The following PLAA variants were observed in gnomAD, a reference collection of about 807,000 sequenced individuals.
PLAA encodes the protein phospholipase A2 activating protein.
A neutral mutation model predicts 84.1 loss-of-function variants in PLAA; 48 were observed. That is an observed-to-expected ratio of 0.57 (90% CI 0.45 to 0.73). The LOEUF (loss-of-function observed/expected upper bound fraction) is 0.73, where lower values mean the gene tolerates loss of function less well. Ranked by LOEUF, PLAA falls within the 30% of genes least tolerant of loss-of-function variation. The pLI is 0.00. For missense variants in PLAA, 903 were observed against 954.7 expected, an observed-to-expected ratio of 0.95 and a Z score of 0.71; for synonymous variants, 392 against 336.6, an observed-to-expected ratio of 1.16 and a Z score of -1.80.
intron 9 of PLAA, among the ~76,000 whole-genome samples, chr9:26,918,257 G>A (rs12000190): frequency 0.068 from 10,250 of 149,868 alleles, 493 homozygotes; most frequent in African/African-American, 0.13. Flanking sequence ...GATTACAGGC[G>A]CACATCCATC....
In PLAA at chr9:26,907,891, C is replaced by T; in HGVS notation, c.1765G>A (p.Glu589Lys). The change falls in exon 13 of 14, where the codon GAA (glutamate) becomes AAA (lysine). Residue 589 changes from glutamate (E) to lysine (K), a missense_variant. Physicochemically the swap from Glu to Lys is moderately conservative, Grantham distance 56 (BLOSUM62 1). Transcript: ENST00000397292. ...TGAAGTTGCTGGACTGTGGGTTTTTCTGAAGAACTATTACATATTAGAGAC... is the reference window on the plus strand; with the variant it reads ...TGAAGTTGCTGGACTGTGGGTTTTTTTGAAGAACTATTACATATTAGAGAC... The part of the protein sequence containing the change: ...ILSLICNSSS[E>K]KPTVQQLQIL... 1 of 1,611,758 alleles carries T rather than the reference C, an allele frequency of 6.2e-7. No individual in the cohort carries two copies. The highest frequency in any genetic ancestry group is 8.5e-7 in the Non-Finnish European group (1 of 1,179,392).
intron 2 of PLAA, among the ~76,000 whole-genome samples, chr9:26,930,365 A>G (rs7851423): frequency 0.13 from 19,196 of 152,110 alleles, 1,329 homozygotes; most frequent in South Asian, 0.23. Flanking sequence ...TGGCCTCCCA[A>G]GTGCTGGGAT....
intron 1 of PLAA, among the ~76,000 whole-genome samples, chr9:26,938,235 C>T (rs1825420278): frequency 6.6e-6 from 1 of 152,124 alleles, no homozygotes; most frequent in Admixed American, 6.5e-5. Context: ...AAACTGAGTG[C>T]AGTAGCACAC....
intron 2 of PLAA, among the ~76,000 whole-genome samples, chr9:26,928,637 G>A (rs1242511200): frequency 6.6e-6 from 1 of 152,222 alleles, no homozygotes; most frequent in East Asian, 1.9e-4. Flanking sequence ...CCACGTAACT[G>A]CAGAAATATT....
chr9:26,946,925 G>A lies in PLAA; in HGVS notation c.121C>T (p.Arg41Cys), dbSNP rs1293167642. 2 of 1,578,572 alleles carry A rather than the reference G, an allele frequency of 1.3e-6. No homozygotes were observed. The highest frequency in any genetic ancestry group is 1.7e-6 in the Non-Finnish European group (2 of 1,161,916). Residue 41 changes from arginine (R) to cysteine (C), a missense_variant, in exon 1 of 14, where the codon CGC becomes TGC. By Grantham distance (180) the Arg-to-Cys change is radical. Coordinates refer to ENST00000397292, the MANE Select transcript of PLAA (RefSeq NM_001031689.3). ...PGAFVSVSRD[R>C]TTRLWAPDSP... ...TCTGGGGCCCAGAGGCGGGTGGTGC[G>A]GTCTCGGGACACGGACACAAAGGCT... is the stretch of plus-strand genomic sequence containing the variant.
In PLAA at chr9:26,923,035, GT is replaced by G. The variant is rs1318660611; in HGVS notation, c.1039+142del. On this transcript the variant is annotated intron_variant, in intron 7 of 13. Coordinates refer to ENST00000397292, the MANE Select transcript of PLAA (RefSeq NM_001031689.3). ...AGAGGCAAGAACATGGTTTCTCATAGTGATTATATGTAATAGTAAAAATCCT... is the reference window on the plus strand; with the variant it reads ...AGAGGCAAGAACATGGTTTCTCATAGGATTATATGTAATAGTAAAAATCCT... 4 of 565,272 alleles carry G rather than the reference GT, an allele frequency of 7.1e-6. No homozygotes were observed. In the East Asian group the frequency reaches 1.1e-4, roughly 16 times the overall value. The allele number at this position is 565,272 out of a possible 1,614,324, so 35.0% of individuals were successfully genotyped here.
At chr9:26,916,324 A>G in intron 10 of PLAA, 1 of 987,018 alleles carries the variant, frequency 1.0e-6, no homozygotes, top group Non-Finnish European at 1.2e-6. Flanking sequence ...AGATCCAACA[A>G]CAGCATTATA....
chr9:26,906,423 CT>C (rs35324777), intron 13 of PLAA, among the ~76,000 whole-genome samples: 10,837 of 95,122 alleles, frequency 0.11, 262 homozygotes, highest in African/African-American at 0.13. Flanking sequence ...AGGGAAAGTT[CT>C]TTTTTTTTTT....
At chr9:26,926,063 C>A in intron 5 of PLAA, 103 bp from the exon 6 acceptor site, 2 of 877,444 alleles carry the variant, frequency 2.3e-6, no homozygotes, top group South Asian at 1.8e-5. Flanking sequence ...CAGAGACTTT[C>A]AAAATTACAG....
chr9:26,913,865 T>C lies in PLAA; in HGVS notation c.1555+14A>G. 2 of 1,542,224 alleles carry C rather than the reference T, an allele frequency of 1.3e-6. No homozygotes were observed. The highest frequency in any genetic ancestry group is 1.2e-5 in the South Asian group (1 of 81,134). Reference sequence around the variant, plus strand: ...AAAATCTAAAAAAAAGAAAAAGAAATAAAAAGTATGTACCTGTAAATGGAT... The same window carrying C: ...AAAATCTAAAAAAAAGAAAAAGAAACAAAAAGTATGTACCTGTAAATGGAT... On this transcript the variant is annotated intron_variant, in intron 11 of 13. Coordinates refer to ENST00000397292, the MANE Select transcript of PLAA (RefSeq NM_001031689.3).
intron 1 of PLAA, among the ~76,000 whole-genome samples, chr9:26,936,040 A>AGCTC (rs1015057850): frequency 6.6e-6 from 1 of 152,096 alleles, no homozygotes; most frequent in African/African-American, 2.4e-5. Context: ...ACCTGCTGAG[A>AGCTC]GGGATAAAAA....
Position 26,910,398 on chromosome 9 carries a change from T to C in PLAA, c.1597A>G (p.Ile533Val). Residue 533 changes from isoleucine (I) to valine (V), a missense_variant, in exon 12 of 14, where the codon ATT becomes GTT. Ile to Val is a conservative substitution (Grantham distance 29). Transcript: ENST00000397292. ...YRSAASKTMNIYFPKKEAVTF... is the reference protein window; with the variant it reads ...YRSAASKTMNVYFPKKEAVTF... Reference sequence around the variant, plus strand: ...ACAGCCTCTTTTTTAGGGAAATAAATATTCATTGTTTTAGATGCAGCTGAT... The same window carrying C: ...ACAGCCTCTTTTTTAGGGAAATAAACATTCATTGTTTTAGATGCAGCTGAT... 1.2e-6 allele frequency: 2 copies of C among 1,613,406 alleles called. No individual in the cohort carries two copies. Among genetic ancestry groups the C allele is most frequent in the Non-Finnish European group, 8.5e-7 (1 of 1,179,576 alleles).
At chr9:26,919,926 T>G (rs1027269698) in intron 8 of PLAA, among the ~76,000 whole-genome samples, 1 of 152,190 alleles carries the variant, frequency 6.6e-6, no homozygotes, top group Admixed American at 6.5e-5. Flanking sequence ...TAGCCAGGCA[T>G]GAGGCATTTG....
At chr9:26,933,171 G>C (rs1425182656) in intron 2 of PLAA, among the ~76,000 whole-genome samples, 2 of 152,104 alleles carry the variant, frequency 1.3e-5, no homozygotes, top group Non-Finnish European at 2.9e-5. Context: ...AGAAGGCTGA[G>C]GCAGGAGAAC....
At chr9:26,928,541 G>C in intron 2 of PLAA, 133 bp from the exon 3 acceptor site, 1 of 687,622 alleles carries the variant, frequency 1.5e-6, no homozygotes, top group Non-Finnish European at 2.6e-6. Flanking sequence ...GCTCAATTCA[G>C]CAGAGACGCA....
In PLAA at chr9:26,905,712, A is replaced by G. The variant is rs961589473; in HGVS notation, c.2187T>C (p.Ile729=). 3 of 1,614,188 alleles carry G rather than the reference A, an allele frequency of 1.9e-6. No individual in the cohort carries two copies. In the South Asian group the frequency reaches 3.3e-5, roughly 18 times the overall value. Residue 729 remains isoleucine, a synonymous_variant, in exon 14 of 14, where the codon ATT becomes ATC. Transcript: ENST00000397292. ...IEGKAQCLSL[I]STILEVVQDL... ...CTTGTACTACTTCCAAGATTGTGCT[A>G]ATTAGTGACAAACATTGGGCTTTCC...
chr9:26,905,865 G>C lies in PLAA; in HGVS notation c.2034C>G (p.Ser678=). The C allele has an allele frequency of 1.9e-6, 3 of 1,614,024 alleles. No individual in the cohort carries two copies. Among genetic ancestry groups the C allele is most frequent in the Non-Finnish European group, 2.5e-6 (3 of 1,179,986 alleles). ...VGQAGQKLMM[S]QRESLMSHAI... ...CATGGGACATCAGTGATTCCCTCTG[G>C]GACATCATGAGTTTTTGTCCTGCCT... is the stretch of plus-strand genomic sequence containing the variant. Residue 678 remains serine, a synonymous_variant, in exon 14 of 14, where the codon TCC becomes TCG. Coordinates refer to ENST00000397292, the MANE Select transcript of PLAA (RefSeq NM_001031689.3).
chr9:26,943,649 T>C (rs955373804), intron 1 of PLAA, among the ~76,000 whole-genome samples: 47 of 152,136 alleles, frequency 3.1e-4, no homozygotes, highest in African/African-American at 1.1e-3. Context: ...ATTAACTCTA[T>C]TAATATGCTG....
chr9:26,941,547 C>A (rs1825543164), intron 1 of PLAA, among the ~76,000 whole-genome samples: 1 of 152,124 alleles, frequency 6.6e-6, no homozygotes, highest in African/African-American at 2.4e-5. Context: ...TACCAGACAT[C>A]TGGGGAAAGC....
Sources: gnomAD v4.1 joint callset for allele counts (sites outside exome capture counted in the v4.1 genomes callset) on GRCh38, gnomAD v4.1.1 for gene constraint, MANE v1.5 for transcripts, NCBI Gene and HGNC (gene_info 2026-07-23, HGNC 2026-07-21) for gene names.